PRUNE2: variants seen among roughly 807,000 people sequenced by gnomAD.
The protein encoded by PRUNE2 is protein prune homolog 2.
In PRUNE2, 164 loss-of-function variants were observed where a neutral mutation model predicts 252.0. The observed-to-expected ratio is 0.65, with a 90% confidence interval of 0.57 to 0.74. The LOEUF (loss-of-function observed/expected upper bound fraction) is 0.74. Ranked by LOEUF, PRUNE2 falls within the 30% of genes least tolerant of loss-of-function variation. The pLI, the probability that PRUNE2 is intolerant of heterozygous loss-of-function variation, is 0.00. For missense variants in PRUNE2, 3,495 were observed against 3,711.0 expected (o/e 0.94, Z 1.51); for synonymous variants, 1,292 against 1,350.2 (o/e 0.96, Z 0.94).
At position 76,708,570 on chromosome 9, in the gene PRUNE2, G is replaced by A. The variant is rs773999958; in HGVS notation, c.3704C>T (p.Pro1235Leu). Residue 1235 changes from proline (P) to leucine (L), a missense_variant, in exon 8 of 19, where the codon CCA (proline) becomes CTA (leucine). Coordinates refer to ENST00000376718, the MANE Select transcript of PRUNE2 (RefSeq NM_015225.3). Reference sequence around the variant, plus strand: ...TGAATCTGTGATATGTGAGGAGCCTGGTAACATGAATGATGACATGTCTTT... The same window carrying A: ...TGAATCTGTGATATGTGAGGAGCCTAGTAACATGAATGATGACATGTCTTT... ...RDKDMSSFMLPGSSHITDSEQ... is the reference protein window; with the variant it reads ...RDKDMSSFMLLGSSHITDSEQ... 1 of 1,613,924 alleles carries A rather than the reference G, an allele frequency of 6.2e-7. No homozygotes were observed. The highest frequency in any genetic ancestry group is 8.5e-7 in the Non-Finnish European group (1 of 1,179,868).
chr9:76,633,891 T>C (rs373349874), intron 15 of PRUNE2, among the ~76,000 whole-genome samples: 10 of 152,270 alleles, frequency 6.6e-5, no homozygotes, highest in African/African-American at 2.4e-4. Context: ...AGCAGGCAGA[T>C]TGCTTGAGCC....
At chr9:76,633,506 G>A (rs1026320159) in intron 15 of PRUNE2, among the ~76,000 whole-genome samples, 2 of 151,360 alleles carry the variant, frequency 1.3e-5, no homozygotes, top group African/African-American at 4.9e-5. Context: ...ACTTGAGCAT[G>A]GGAAGGCAGA....
intron 11 of PRUNE2, among the ~76,000 whole-genome samples, chr9:76,648,192 C>T (rs562866516): frequency 4.6e-5 from 7 of 152,212 alleles, no homozygotes; most frequent in South Asian, 4.1e-4. Flanking sequence ...GAATGCAAAG[C>T]GACAGGAACT....
At chr9:76,832,616 T>C (rs1336306826) in intron 4 of PRUNE2, among the ~76,000 whole-genome samples, 2 of 151,750 alleles carry the variant, frequency 1.3e-5, no homozygotes, top group Non-Finnish European at 2.9e-5. Flanking sequence ...CTTAAAAGCG[T>C]TAAGTGTTAA....
intron 6 of PRUNE2, chr9:76,782,729 T>C (rs2054553131): frequency 6.6e-6 from 1 of 152,202 alleles, no homozygotes; most frequent in African/African-American, 2.4e-5. Flanking sequence ...GAAGAGCTAG[T>C]CCGCTGTGAG....
intron 1 of PRUNE2, among the ~76,000 whole-genome samples, chr9:76,861,600 C>CA (rs2060551425): frequency 6.6e-6 from 1 of 152,142 alleles, no homozygotes; most frequent in Non-Finnish European, 1.5e-5. Context: ...CACTGGACAT[C>CA]AACTAATCCA....
At chr9:76,845,670 G>T (rs1463167383) in intron 4 of PRUNE2, among the ~76,000 whole-genome samples, 4 of 152,128 alleles carry the variant, frequency 2.6e-5, no homozygotes, top group Non-Finnish European at 5.9e-5. Context: ...CATACTTTTG[G>T]TCTTCTTTTA....
intron 16 of PRUNE2, chr9:76,627,902 A>G (rs1261136602): frequency 2.4e-6 from 1 of 412,284 alleles, no homozygotes; most frequent in Non-Finnish European, 4.9e-6. Context: ...TATGCTTGGC[A>G]TATCATAGAC....
Position 76,709,513 on chromosome 9 carries a change from G to A in PRUNE2, c.2761C>T (p.Leu921Phe). 1 of 1,613,958 alleles carries A rather than the reference G, an allele frequency of 6.2e-7. No individual in the cohort carries two copies. The highest frequency in any genetic ancestry group is 8.5e-7 in the Non-Finnish European group (1 of 1,179,882). ...KVYEKVDSWN[L>F]FEENMKKGGS... ...CCTTTCTTCATATTCTCCTCAAAAA[G>A]GTTCCAGGAATCTACCTTTTCATAT... The change falls in exon 8 of 19, where the codon CTT becomes TTT. Residue 921 changes from leucine (L) to phenylalanine (F), a missense_variant. Leu to Phe is a conservative substitution (Grantham distance 22, BLOSUM62 0). Coordinates refer to ENST00000376718, the MANE Select transcript of PRUNE2 (RefSeq NM_015225.3).
chr9:76,664,976 A>G (rs915271257), intron 9 of PRUNE2, among the ~76,000 whole-genome samples: 1 of 151,946 alleles, frequency 6.6e-6, no homozygotes, highest in African/African-American at 2.4e-5. Flanking sequence ...AATCCTATAA[A>G]TTTATGTCAT....
At chr9:76,685,814 C>G (rs187844998) in intron 9 of PRUNE2, among the ~76,000 whole-genome samples, 60 of 152,278 alleles carry the variant, frequency 3.9e-4, no homozygotes, top group Middle Eastern at 3.4e-3. Flanking sequence ...CAGATCTTCA[C>G]CGGTATATCC....
In PRUNE2 at chr9:76,807,268, C is replaced by T. The variant is rs114550358; in HGVS notation, c.756+16364G>A. Reference sequence around the variant, plus strand: ...AATTTCTTTTGGTAGAGATAAGAATCTCCCTATGTTCCCAGGATGGTCTCG... The same window carrying T: ...AATTTCTTTTGGTAGAGATAAGAATTTCCCTATGTTCCCAGGATGGTCTCG... On this transcript the variant is annotated intron_variant, in intron 6 of 18. Transcript: ENST00000376718. Among the ~76,000 whole-genome samples, 505 of 151,948 alleles carry T rather than the reference C, an allele frequency of 3.3e-3. 2 individuals carry two copies. Among genetic ancestry groups the T allele is most frequent in the African/African-American group, 0.012 (477 of 41,444 alleles).
chr9:76,689,746 T>C (rs566849431), intron 9 of PRUNE2, among the ~76,000 whole-genome samples: 92 of 152,238 alleles, frequency 6.0e-4, no homozygotes, highest in African/African-American at 2.1e-3. Context: ...AAGCCACTGA[T>C]TGGGTGATCT....
At chr9:76,818,090 C>T (rs954522878) in intron 6 of PRUNE2, among the ~76,000 whole-genome samples, 3 of 152,046 alleles carry the variant, frequency 2.0e-5, no homozygotes, top group African/African-American at 7.3e-5. Context: ...TCAAATCATT[C>T]ACATATTTTG....
chr9:76,880,956 T>C (rs895578232), intron 1 of PRUNE2, among the ~76,000 whole-genome samples: 4 of 150,292 alleles, frequency 2.7e-5, no homozygotes, highest in African/African-American at 1.0e-4. Context: ...GACATCCTTG[T>C]TAATTTTTTT....
At chr9:76,891,842 A>T (rs1002006263) in intron 1 of PRUNE2, among the ~76,000 whole-genome samples, 1 of 152,292 alleles carries the variant, frequency 6.6e-6, no homozygotes, top group East Asian at 1.9e-4. Context: ...GGCTGGACTT[A>T]ACCTCTCTGG....
intron 4 of PRUNE2, among the ~76,000 whole-genome samples, chr9:76,833,777 A>G (rs2058801387): frequency 6.6e-6 from 1 of 151,638 alleles, no homozygotes; most frequent in Non-Finnish European, 1.5e-5. Context: ...AAAATAAATA[A>G]ATAAAAAATT....
intron 6 of PRUNE2, among the ~76,000 whole-genome samples, chr9:76,806,219 G>A (rs2056923283): frequency 6.6e-6 from 1 of 152,060 alleles, no homozygotes; most frequent in South Asian, 2.1e-4. Context: ...GTGGGGCCTG[G>A]GAAATTTGTG....
intron 6 of PRUNE2, among the ~76,000 whole-genome samples, chr9:76,752,140 C>T (rs1172207695): frequency 1.3e-5 from 2 of 151,428 alleles, no homozygotes; most frequent in African/African-American, 4.9e-5. Context: ...CTCTGTCGCC[C>T]AGGCTGGAGT....
Sources: gnomAD v4.1 joint callset for allele counts (sites outside exome capture counted in the v4.1 genomes callset) on GRCh38, gnomAD v4.1.1 for gene constraint, MANE v1.5 for transcripts, NCBI Gene and HGNC (gene_info 2026-07-23, HGNC 2026-07-21) for gene names.